FAM120B: variants seen among roughly 807,000 people sequenced by gnomAD.
FAM120B encodes the protein family with sequence similarity 120 member B, also known as constitutive coactivator of peroxisome proliferator-activated receptor gamma.
In FAM120B, 83 loss-of-function variants were observed where a neutral mutation model predicts 96.3. That is an observed-to-expected ratio of 0.86 (90% CI 0.72 to 1.03). The LOEUF (loss-of-function observed/expected upper bound fraction) is 1.03, where lower values mean the gene tolerates loss of function less well. Among genes scored for constraint, FAM120B ranks in the 50% least tolerant of loss-of-function variants. The probability of loss-of-function intolerance (pLI) is 0.00; values close to 1 mark genes in which losing one functional copy is unlikely to be tolerated. For synonymous variants in FAM120B, 407 were observed against 402.7 expected (o/e 1.01, Z -0.13); for missense variants, 1,027 against 1,121.2 (o/e 0.92, Z 1.20).
chr6:170,331,344 C>A (rs1183168218), intron 4 of FAM120B, among the ~76,000 whole-genome samples: 3 of 152,178 alleles, frequency 2.0e-5, no homozygotes, highest in Non-Finnish European at 4.4e-5. Context: ...TCTGGTTTCG[C>A]TACTATTTTC....
intron 6 of FAM120B, among the ~76,000 whole-genome samples, chr6:170,365,067 G>A (rs965678503): frequency 6.6e-6 from 1 of 152,228 alleles, no homozygotes; most frequent in Admixed American, 6.5e-5. Flanking sequence ...AGGGCGTGGT[G>A]TGCCTGGGGC....
chr6:170,378,186 T>A (rs903345790), intron 6 of FAM120B, among the ~76,000 whole-genome samples: 1 of 152,236 alleles, frequency 6.6e-6, no homozygotes, highest in Non-Finnish European at 1.5e-5. Flanking sequence ...GCCCAGGTGT[T>A]GAAAGAACGC....
chr6:170,313,461 G>A (rs1372545354), intron 1 of FAM120B, among the ~76,000 whole-genome samples: 3 of 152,188 alleles, frequency 2.0e-5, no homozygotes, highest in Admixed American at 2.0e-4. Context: ...GAAAAAGGAA[G>A]ACTTTGTGTT....
intron 1 of FAM120B, among the ~76,000 whole-genome samples, chr6:170,313,361 TG>T (rs765903459): frequency 3.9e-5 from 6 of 152,080 alleles, no homozygotes; most frequent in Non-Finnish European, 8.8e-5. Flanking sequence ...CAACAAGCCA[TG>T]GGGGAACATC....
In FAM120B at chr6:170,391,005, G is replaced by C. The variant is rs948815437; in HGVS notation, c.2491-8G>C. The C allele has an allele frequency of 4.3e-6, 7 of 1,612,978 alleles. No homozygotes were observed. Among genetic ancestry groups the C allele is most frequent in the Non-Finnish European group, 5.1e-6 (6 of 1,179,182 alleles). On this transcript the variant is annotated splice_region_variant and splice_polypyrimidine_tract_variant and intron_variant, in intron 7 of 10. Transcript: ENST00000476287. Reference sequence around the variant, plus strand: ...CTCACATCTCATTTGCATCTGGTCTGTTTGCAGAGATCTCGGCTCACCAAA... The same window carrying C: ...CTCACATCTCATTTGCATCTGGTCTCTTTGCAGAGATCTCGGCTCACCAAA...
Position 170,391,097 on chromosome 6 carries a change from G to A in FAM120B, c.2575G>A (p.Ala859Thr), listed in dbSNP as rs144000520. The A allele has an allele frequency of 5.0e-5, 81 of 1,613,962 alleles. No homozygotes were observed. The African/African-American group carries it at 1.0e-3, about 20-fold the overall frequency. Residue 859 changes from alanine (A) to threonine (T), a missense_variant, in exon 8 of 11, where the codon GCC (alanine) becomes ACC (threonine). Ala to Thr is a moderately conservative substitution (Grantham distance 58). Around this residue, in one of 3 missense-constraint regions of FAM120B, gnomAD observed 142 missense variants for 122.5 expected, o/e 1.16. Transcript: ENST00000476287. ...MKENRRITGR[A>T]HWGSHHAGRW... The stretch of plus-strand genomic sequence containing the variant: ...GGAGAACAGACGCATCACTGGCCGA[G>A]CCCACTGGGGCTCACACCACGCAGG...
At chr6:170,343,039 A>T (rs1786941597) in intron 4 of FAM120B, among the ~76,000 whole-genome samples, 1 of 152,192 alleles carries the variant, frequency 6.6e-6, no homozygotes, top group African/African-American at 2.4e-5. Flanking sequence ...GAAATTACTT[A>T]TTAACAATTC....
chr6:170,391,546 A>C (rs565319584), intron 8 of FAM120B, among the ~76,000 whole-genome samples: 1 of 152,060 alleles, frequency 6.6e-6, no homozygotes, highest in Non-Finnish European at 1.5e-5. Context: ...AAAAAAAAAA[A>C]GTATTAAAAT....
intron 9 of FAM120B, among the ~76,000 whole-genome samples, chr6:170,397,174 G>C (rs1778220768): frequency 6.6e-6 from 1 of 152,230 alleles, no homozygotes; most frequent in Admixed American, 6.5e-5. Context: ...TGCAGGGTCT[G>C]GGCTTCTGAG....
chr6:170,295,147 G>T (rs1449678803), upstream of FAM120B, among the ~76,000 whole-genome samples: 6 of 152,196 alleles, frequency 3.9e-5, no homozygotes, highest in Non-Finnish European at 8.8e-5. This position sits in a 1 kb window ranked among gnomAD's most constrained non-coding sequence, Gnocchi z 7.8. Flanking sequence ...TCTCAGAGGC[G>T]TCCGTGGCGA....
intron 6 of FAM120B, among the ~76,000 whole-genome samples, chr6:170,375,238 C>G (rs908636269): frequency 2.0e-5 from 3 of 151,930 alleles, no homozygotes; most frequent in African/African-American, 4.9e-5. Context: ...TCTAAATAAC[C>G]GACTGTGGAA....
intron 5 of FAM120B, among the ~76,000 whole-genome samples, chr6:170,349,989 C>T (rs9348314): frequency 0.11 from 16,068 of 152,240 alleles, 1,049 homozygotes; most frequent in East Asian, 0.2. Flanking sequence ...ATGCTTCTCC[C>T]ATGGATCTTT....
intron 1 of FAM120B, among the ~76,000 whole-genome samples, chr6:170,296,372 A>G (rs575592628): frequency 6.6e-6 from 1 of 152,012 alleles, no homozygotes; most frequent in South Asian, 2.1e-4. Flanking sequence ...TACGAGGGGC[A>G]CCAGTGCAAG....
At chr6:170,392,271 G>A (rs1384151510) in intron 8 of FAM120B, among the ~76,000 whole-genome samples, 1 of 151,956 alleles carries the variant, frequency 6.6e-6, no homozygotes, top group Non-Finnish European at 1.5e-5. Flanking sequence ...GCAGTGGCTC[G>A]ATCTCGGCTC....
At position 170,318,415 on chromosome 6, in the gene FAM120B, C is replaced by T; in HGVS notation, c.1025C>T (p.Pro342Leu). 6.2e-7 allele frequency: 1 copy of T among 1,614,074 alleles called. No individual in the cohort carries two copies. Among genetic ancestry groups the T allele is most frequent in the Non-Finnish European group, 8.5e-7 (1 of 1,180,022 alleles). ...SSDAESREEVPMCSDAESRQE... is the reference protein window; with the variant it reads ...SSDAESREEVLMCSDAESRQE... ...GACGCCGAATCCAGGGAAGAAGTTCCCATGTGTTCAGATGCTGAATCCAGG... is the reference window on the plus strand; with the variant it reads ...GACGCCGAATCCAGGGAAGAAGTTCTCATGTGTTCAGATGCTGAATCCAGG... Residue 342 changes from proline (P) to leucine (L), a missense_variant, in exon 2 of 11, where the codon CCC becomes CTC. Physicochemically the swap from Pro to Leu is moderately conservative, Grantham distance 98. Around this residue, in one of 3 missense-constraint regions of FAM120B, gnomAD observed 880 missense variants for 980.9 expected, o/e 0.90. Transcript: ENST00000476287.
intron 6 of FAM120B, among the ~76,000 whole-genome samples, chr6:170,385,759 G>A (rs572316398): frequency 2.6e-5 from 4 of 152,186 alleles, no homozygotes; most frequent in Non-Finnish European, 5.9e-5. Flanking sequence ...TTAGATGAAC[G>A]AACTGTGGTC....
At chr6:170,290,767 G>T (rs942203136), upstream of FAM120B, 2 of 506,796 alleles carry the variant, frequency 3.9e-6, no homozygotes, top group Non-Finnish European at 7.1e-6. The surrounding 1 kb of genome is among the most constrained non-coding windows in gnomAD (Gnocchi z 4.7). Flanking sequence ...TCACAGCAAA[G>T]ATCCGCGTCT....
chr6:170,290,797 T>A, upstream of FAM120B: 1 of 574,656 alleles, frequency 1.7e-6, no homozygotes, highest in Non-Finnish European at 3.1e-6. This position sits in a 1 kb window ranked among gnomAD's most constrained non-coding sequence, Gnocchi z 4.7. Flanking sequence ...ATCCAGCCAA[T>A]GCCATCCAGT....
chr6:170,348,271 T>A lies in FAM120B; in HGVS notation c.2138T>A (p.Val713Asp). 1 of 1,613,944 alleles carries A rather than the reference T, an allele frequency of 6.2e-7. No individual in the cohort carries two copies. The highest frequency in any genetic ancestry group is 8.5e-7 in the Non-Finnish European group (1 of 1,179,932). The change falls in exon 5 of 11, where the codon GTC (valine) becomes GAC (aspartate). Residue 713 changes from valine (V) to aspartate (D), a missense_variant. This residue lies in a region of FAM120B where 880 missense variants were observed against 980.9 expected (regional missense o/e 0.90). Transcript: ENST00000476287. Reference sequence around the variant, plus strand: ...TCCTCAAGAGAAGAGCTGCAGGCTGTCGAAAGCCCATTTCAAGCTTTGTGC... The same window carrying A: ...TCCTCAAGAGAAGAGCTGCAGGCTGACGAAAGCCCATTTCAAGCTTTGTGC... ...LSSSREELQAVESPFQALCCL... is the reference protein window; with the variant it reads ...LSSSREELQADESPFQALCCL...
Sources: gnomAD v4.1 joint callset for allele counts (sites outside exome capture counted in the v4.1 genomes callset) on GRCh38, gnomAD v4.1.1 for gene constraint, gnomAD v4.1.1 regional missense constraint, Gnocchi (gnomAD v3.1) non-coding constraint, MANE v1.5 for transcripts, NCBI Gene and HGNC (gene_info 2026-07-23, HGNC 2026-07-21) for gene names.